NFIB: variants seen among roughly 807,000 people sequenced by gnomAD.
NFIB encodes nuclear factor 1 B-type.
NFIB carries 11 observed loss-of-function variants against 61.5 expected under a neutral mutation model. The observed-to-expected ratio is 0.18, with a 90% CI of 0.11 to 0.30. The LOEUF (loss-of-function observed/expected upper bound fraction) is 0.30, where lower values mean the gene tolerates loss of function less well. NFIB is among the 10% of genes least tolerant of loss of function. NFIB has a pLI of 1.00. For missense variants in NFIB, 471 were observed against 608.9 expected, an observed-to-expected ratio of 0.77 and a Z score of 2.38; for synonymous variants, 260 against 216.5, an observed-to-expected ratio of 1.20 and a Z score of -1.76.
intron 8 of NFIB, among the ~76,000 whole-genome samples, chr9:14,118,490 T>C (rs1440466539): frequency 6.6e-6 from 1 of 152,082 alleles, no homozygotes; most frequent in African/African-American, 2.4e-5. Flanking sequence ...AAAGAAAGAA[T>C]TCCCAAGTCA....
the NFIB span, among the ~76,000 whole-genome samples, chr9:14,523,406 C>A: frequency 8.5e-5 from 13 of 152,172 alleles, no homozygotes; most frequent in South Asian, 2.3e-3. Context: ...CAAACCCACA[C>A]CTCTCCACAG....
chr9:14,184,407 A>G (rs1172514295), intron 2 of NFIB, among the ~76,000 whole-genome samples: 1 of 152,148 alleles, frequency 6.6e-6, no homozygotes, highest in Non-Finnish European at 1.5e-5. Flanking sequence ...TTAAACCTTT[A>G]GCTATTTTCT....
intron 1 of NFIB, among the ~76,000 whole-genome samples, chr9:14,382,345 TGAGAGA>T (rs111564800): frequency 2.0e-5 from 3 of 149,318 alleles, no homozygotes; most frequent in African/African-American, 7.4e-5. Flanking sequence ...CAGAAAGTGA[TGAGAGA>T]GAGAGAGAGA....
At chr9:14,506,052 T>C in the NFIB span, among the ~76,000 whole-genome samples, 6 of 152,210 alleles carry the variant, frequency 3.9e-5, no homozygotes, top group East Asian at 3.8e-4. Context: ...AAAGTCATTA[T>C]AGAAACATGC....
the NFIB span, among the ~76,000 whole-genome samples, chr9:14,520,636 G>A: frequency 6.6e-6 from 1 of 152,326 alleles, no homozygotes; most frequent in Admixed American, 6.5e-5. Flanking sequence ...CTTCTGTGCA[G>A]ATATTAAATT....
the NFIB span, among the ~76,000 whole-genome samples, chr9:14,414,804 AAT>A: frequency 8.5e-5 from 13 of 152,274 alleles, no homozygotes; most frequent in East Asian, 2.5e-3. Flanking sequence ...CAAGTATATA[AAT>A]ATGAGGTATT....
At chr9:14,113,879 ATAGAG>A (rs981811670) in intron 9 of NFIB, among the ~76,000 whole-genome samples, 5 of 152,054 alleles carry the variant, frequency 3.3e-5, no homozygotes, top group African/African-American at 9.7e-5. Context: ...GCTTTTTGGT[ATAGAG>A]TAAATTTTTC....
the NFIB span, among the ~76,000 whole-genome samples, chr9:14,529,303 G>A: frequency 6.6e-6 from 1 of 152,122 alleles, no homozygotes; most frequent in Non-Finnish European, 1.5e-5. Flanking sequence ...AATAAGTCAG[G>A]AAGCAATTGC....
At chr9:14,498,886 T>C in the NFIB span, among the ~76,000 whole-genome samples, 6 of 149,604 alleles carry the variant, frequency 4.0e-5, no homozygotes, top group Non-Finnish European at 8.9e-5. Flanking sequence ...TAGTCCCTTA[T>C]GTGTAAGGCT....
chr9:14,232,718 C>T (rs1437710966), intron 2 of NFIB, among the ~76,000 whole-genome samples: 4 of 152,098 alleles, frequency 2.6e-5, no homozygotes, highest in Non-Finnish European at 5.9e-5. Flanking sequence ...GGAGCAGAAT[C>T]CTTATATTTT....
At chr9:14,322,588 C>CACCCT (rs1262852407) in intron 1 of NFIB, among the ~76,000 whole-genome samples, 1,912 of 152,184 alleles carry the variant, frequency 0.013, 35 homozygotes, top group African/African-American at 0.044. Context: ...CGCCCCGCCC[C>CACCCT]ACCCTACCAC....
chr9:14,249,229 ATAT>A (rs139323417), intron 2 of NFIB, among the ~76,000 whole-genome samples: 2,855 of 152,292 alleles, frequency 0.019, 84 homozygotes, highest in African/African-American at 0.065. Context: ...ATGGGGGTAG[ATAT>A]TATTATCTCT....
Position 14,087,124 on chromosome 9 carries a change from T to G in NFIB, c.*1185A>C, listed in dbSNP as rs2032976611. On this transcript the variant is annotated 3_prime_UTR_variant, in exon 11 of 11. Transcript: ENST00000380953. Reference sequence around the variant, plus strand: ...TTTGCCTGCCTCTTTGTCTCTATAATGCAGATTTTATAGAACCTTTTGTAC... The same window carrying G: ...TTTGCCTGCCTCTTTGTCTCTATAAGGCAGATTTTATAGAACCTTTTGTAC... The G allele has an allele frequency of 4.9e-6, 1 of 202,410 alleles. No homozygotes were observed. The highest frequency in any genetic ancestry group is 2.3e-5 in the African/African-American group (1 of 43,634). 12.5% of individuals were successfully genotyped at this position (202,410 alleles called of 1,614,324 possible). A position where few individuals can be genotyped will look rare whatever the true frequency, so the allele number is the denominator to read the frequency against.
chr9:14,360,582 T>TC lies in NFIB; in HGVS notation c.108+37941dup, dbSNP rs1170886075. On this transcript the variant is annotated intron_variant, in intron 1 of 8. Coordinates refer to the NFIB transcript ENST00000380934. ...TTTTTTGAGATGGAGTCTCACTCTGTCGCCCAGGCTGGAGTGCAGTGGCGC... is the reference window on the plus strand; with the variant it reads ...TTTTTTGAGATGGAGTCTCACTCTGTCCGCCCAGGCTGGAGTGCAGTGGCGC... Among the ~76,000 whole-genome samples the TC allele has an allele frequency of 2.0e-5, 3 of 151,474 alleles. No homozygotes were observed. In the East Asian group the frequency reaches 5.8e-4, roughly 29 times the overall value.
At chr9:14,336,015 T>A (rs2060882214) in intron 1 of NFIB, among the ~76,000 whole-genome samples, 1 of 152,248 alleles carries the variant, frequency 6.6e-6, no homozygotes, top group Non-Finnish European at 1.5e-5. Flanking sequence ...TTCTATTCTG[T>A]TTCATTGATT....
the NFIB span, among the ~76,000 whole-genome samples, chr9:14,495,721 T>C: frequency 3.3e-5 from 5 of 152,240 alleles, no homozygotes; most frequent in African/African-American, 9.6e-5. Context: ...TGGGAGACAA[T>C]AGAAGCTTAG....
At chr9:14,484,706 G>C in the NFIB span, among the ~76,000 whole-genome samples, 15 of 152,110 alleles carry the variant, frequency 9.9e-5, no homozygotes, top group Non-Finnish European at 2.1e-4. Context: ...TAATGTAATA[G>C]ATAATTATTG....
At chr9:14,215,009 A>G (rs1320632355) in intron 2 of NFIB, among the ~76,000 whole-genome samples, 1 of 152,244 alleles carries the variant, frequency 6.6e-6, no homozygotes, top group African/African-American at 2.4e-5. Flanking sequence ...AGAAACAAGG[A>G]GAAGGAAGAG....
rs376477108 is a variant in NFIB, at chr9:14,250,780, T to G, written c.562+56209A>C. ...ACTATGTGAGAGAAGGAATAAAAGT[T>G]ACTAAGGTATCACCTTTTCTAGTAA... On this transcript the variant is annotated intron_variant, in intron 2 of 10. Coordinates refer to ENST00000380953, the MANE Select transcript of NFIB (RefSeq NM_001190737.2). Among the ~76,000 whole-genome samples the G allele has an allele frequency of 3.3e-5, 5 of 152,354 alleles. No individual in the cohort carries two copies. The East Asian group carries it at 9.6e-4, about 29-fold the overall frequency.
Sources: allele counts gnomAD v4.1 joint callset (sites outside exome capture counted in the v4.1 genomes callset), GRCh38; gene constraint gnomAD v4.1.1; transcripts MANE v1.5; gene names NCBI Gene and HGNC (gene_info 2026-07-23, HGNC 2026-07-21).